Variants in AKAP7 observed in about 807,000 individuals in gnomAD.
AKAP7 encodes A-kinase anchoring protein 7, also known as A kinase (PRKA) anchor protein 7.
In AKAP7, 39 loss-of-function variants were observed where a neutral mutation model predicts 39.5. The ratio of observed to expected loss-of-function variants is 0.99; its 90% confidence interval spans 0.76 to 1.29. AKAP7 has a LOEUF of 1.29. AKAP7 is among the 50% of genes most tolerant of loss of function. The pLI is 0.00. For missense variants in AKAP7, 414 were observed against 407.7 expected (o/e 1.02, Z -0.13); for synonymous variants, 140 against 139.1 (o/e 1.01, Z -0.05).
chr6:131,130,031 G>C, the AKAP7 span, among the ~76,000 whole-genome samples: 1 of 152,164 alleles, frequency 6.6e-6, no homozygotes, highest in Non-Finnish European at 1.5e-5. Context: ...GAAAGGAGTC[G>C]GGCAGGGTGA....
chr6:131,229,119 GAAGA>G (rs1810431581), intron 7 of AKAP7, among the ~76,000 whole-genome samples: 1 of 152,084 alleles, frequency 6.6e-6, no homozygotes, highest in Non-Finnish European at 1.5e-5. Flanking sequence ...ATTTTTTCTT[GAAGA>G]ATGATTGAAG....
chr6:131,262,376 G>A lies in AKAP7; in HGVS notation c.851-19154G>A, dbSNP rs1813418562. Among the ~76,000 whole-genome samples, 4 of 152,242 alleles carry A rather than the reference G, an allele frequency of 2.6e-5. No individual in the cohort carries two copies. The South Asian group carries it at 8.3e-4, about 32-fold the overall frequency. On this transcript the variant is annotated intron_variant, in intron 7 of 7. Transcript: ENST00000431975. ...CATAAACCTGAGTAAGGAAGGGTGG[G>A]CTTGGAGCTGAGGGGCAGTGGTTTA... is the stretch of plus-strand genomic sequence containing the variant.
chr6:131,241,577 ATGTGTGTGTGTG>A lies in AKAP7; in HGVS notation c.850+21809_850+21820del, dbSNP rs749601887. Among the ~76,000 whole-genome samples the A allele has an allele frequency of 3.5e-3, 285 of 81,280 alleles. 11 individuals carry two copies. The highest frequency in any genetic ancestry group is 9.2e-3 in the Admixed American group (63 of 6,834). The allele number at this position is 81,280 out of a possible 152,430, so 53.3% of individuals were successfully genotyped here. On this transcript the variant is annotated intron_variant, in intron 7 of 7. Transcript: ENST00000431975. ...GAGGTCCAGGACATAGATTATATAT[ATGTGTGTGTGTG>A]TGTGTGTGTGTGTGTGTGTGTGTGT...
At chr6:131,279,692 T>C (rs1815051385) in intron 7 of AKAP7, among the ~76,000 whole-genome samples, 3 of 152,210 alleles carry the variant, frequency 2.0e-5, no homozygotes, top group African/African-American at 4.8e-5. Flanking sequence ...GAGCCATTCA[T>C]TGGACTCAAA....
chr6:131,159,477 A>G (rs1412712285), intron 2 of AKAP7, among the ~76,000 whole-genome samples: 6 of 152,226 alleles, frequency 3.9e-5, no homozygotes, highest in Non-Finnish European at 8.8e-5. Context: ...TTATTAGAAA[A>G]TGAAATAAAA....
At chr6:131,130,327 G>T in the AKAP7 span, among the ~76,000 whole-genome samples, 3 of 152,072 alleles carry the variant, frequency 2.0e-5, no homozygotes, top group East Asian at 5.8e-4. Context: ...TTTTGAGATG[G>T]AGTTTCACTC....
intron 5 of AKAP7, among the ~76,000 whole-genome samples, chr6:131,177,201 T>G (rs1804664145): frequency 1.3e-5 from 2 of 152,204 alleles, no homozygotes; most frequent in Non-Finnish European, 2.9e-5. Context: ...CTATGAGGTA[T>G]GGGCTGTCTT....
chr6:131,208,717 G>A (rs1374967246), intron 6 of AKAP7, among the ~76,000 whole-genome samples: 1 of 152,160 alleles, frequency 6.6e-6, no homozygotes, highest in African/African-American at 2.4e-5. Flanking sequence ...AATGCTTATT[G>A]TGAATCTCAA....
chr6:131,197,432 A>G (rs1294316688), intron 5 of AKAP7, among the ~76,000 whole-genome samples: 1 of 152,120 alleles, frequency 6.6e-6, no homozygotes, highest in Non-Finnish European at 1.5e-5. Context: ...ATTCTGCAAC[A>G]CCATTATTTC....
chr6:131,184,355 A>C (rs1360991281), intron 5 of AKAP7: 2 of 650,124 alleles, frequency 3.1e-6, no homozygotes, highest in Admixed American at 3.6e-5. Context: ...GGTAGATGGA[A>C]GCTTTCTCCT....
At chr6:131,136,353 C>A (rs1448903065) in intron 1 of AKAP7, among the ~76,000 whole-genome samples, 1 of 152,154 alleles carries the variant, frequency 6.6e-6, no homozygotes, top group Non-Finnish European at 1.5e-5. Context: ...GGTGGACTTT[C>A]GGTAAAAGGG....
intron 5 of AKAP7, among the ~76,000 whole-genome samples, chr6:131,174,707 A>G (rs1460940606): frequency 2.0e-5 from 3 of 152,262 alleles, no homozygotes; most frequent in Non-Finnish European, 2.9e-5. Context: ...GATATATTCT[A>G]ACTCTCAGAA....
intron 6 of AKAP7, among the ~76,000 whole-genome samples, chr6:131,205,940 G>A (rs766256272): frequency 9.2e-5 from 14 of 152,136 alleles, no homozygotes; most frequent in Non-Finnish European, 1.8e-4. Context: ...TAGCTAGTCC[G>A]CTAACTTGTT....
intron 7 of AKAP7, among the ~76,000 whole-genome samples, chr6:131,229,058 A>G (rs1034554391): frequency 6.6e-6 from 1 of 152,012 alleles, no homozygotes; most frequent in African/African-American, 2.4e-5. Context: ...ATGTGTTTGC[A>G]TGATTATTTA....
At chr6:131,175,011 A>G (rs1426803021) in intron 5 of AKAP7, among the ~76,000 whole-genome samples, 1 of 151,972 alleles carries the variant, frequency 6.6e-6, no homozygotes, top group Non-Finnish European at 1.5e-5. Context: ...AACATAAACA[A>G]TTGATTAACA....
At chr6:131,165,541 T>C (rs903903213) in intron 4 of AKAP7, among the ~76,000 whole-genome samples, 3 of 152,184 alleles carry the variant, frequency 2.0e-5, no homozygotes, top group Admixed American at 2.0e-4. Context: ...CCTCTTATTA[T>C]CTGCCTTACT....
At chr6:131,272,360 C>A (rs1814357033) in intron 7 of AKAP7, among the ~76,000 whole-genome samples, 1 of 151,852 alleles carries the variant, frequency 6.6e-6, no homozygotes, top group Admixed American at 6.6e-5. Flanking sequence ...TATCTGTTTT[C>A]TATTTCATTC....
intron 7 of AKAP7, among the ~76,000 whole-genome samples, chr6:131,247,247 T>A: frequency 7.1e-6 from 1 of 139,932 alleles, no homozygotes; most frequent in East Asian, 2.1e-4. Flanking sequence ...AATATCTTGA[T>A]AGTTAATGAC....
intron 5 of AKAP7, among the ~76,000 whole-genome samples, chr6:131,176,027 TC>T (rs1284931010): frequency 6.6e-6 from 1 of 152,244 alleles, no homozygotes; most frequent in African/African-American, 2.4e-5. Context: ...TGTTAATCTG[TC>T]TTTTTTATGG....
Sources: gnomAD v4.1 joint callset for allele counts (sites outside exome capture counted in the v4.1 genomes callset) on GRCh38, gnomAD v4.1.1 for gene constraint, MANE v1.5 for transcripts, NCBI Gene and HGNC (gene_info 2026-07-23, HGNC 2026-07-21) for gene names.